SLC23A1: variants seen among roughly 807,000 people sequenced by gnomAD.
The protein encoded by SLC23A1 is Na(+)/L-ascorbic acid transporter 1.
In SLC23A1, 31 loss-of-function variants were observed where a neutral mutation model predicts 62.5. The ratio of observed to expected loss-of-function variants is 0.50; its 90% CI spans 0.37 to 0.67. The LOEUF is 0.67. SLC23A1 is among the 30% of genes least tolerant of loss of function. The pLI, the probability that SLC23A1 is intolerant of heterozygous loss-of-function variation, is 0.00. For missense variants in SLC23A1, 640 were observed against 782.7 expected, an observed-to-expected ratio of 0.82 and a Z score of 2.18; for synonymous variants, 271 against 313.2, an observed-to-expected ratio of 0.87 and a Z score of 1.42.
At position 139,382,023 on chromosome 5, in the gene SLC23A1, G is replaced by A; in HGVS notation, c.177C>T (p.Thr59=). 2 of 1,609,242 alleles carry A rather than the reference G, an allele frequency of 1.2e-6. No individual in the cohort carries two copies. Among genetic ancestry groups the A allele is most frequent in the Non-Finnish European group, 8.5e-7 (1 of 1,177,870 alleles). The change falls in exon 3 of 15, where the codon ACC becomes ACT. Residue 59 remains threonine, a synonymous_variant. Coordinates refer to ENST00000348729, the MANE Select transcript of SLC23A1 (RefSeq NM_005847.5). ...FQHYLTCFSG[T]IAVPFLLAEA... is the part of the protein sequence containing the mutation. ...CAGCCAGCAGGAAGGGCACGGCGAT[G>A]GTACCACTGAAGCATGTCAGGTAGT... is the stretch of plus-strand genomic sequence containing the variant.
chr5:139,368,063 C>T (rs975074413), intron 14 of SLC23A1, among the ~76,000 whole-genome samples: 2 of 152,126 alleles, frequency 1.3e-5, no homozygotes, highest in Admixed American at 6.6e-5. Flanking sequence ...AGGCCGGGCG[C>T]GGTGGCTTAC....
Position 139,377,851 on chromosome 5 carries a change from C to T in SLC23A1, c.1453+124G>A, listed in dbSNP as rs902836063. The T allele has an allele frequency of 3.3e-6, 3 of 912,866 alleles. No homozygotes were observed. In the Admixed American group the frequency reaches 7.4e-5, roughly 23 times the overall value. 56.5% of individuals were successfully genotyped at this position (912,866 alleles called of 1,614,324 possible). A position where few individuals can be genotyped will look rare whatever the true frequency, so the allele number is the denominator to read the frequency against. The stretch of plus-strand genomic sequence containing the variant: ...CAGCTGTGACCCAAGCTCTCAGCTG[C>T]TGGTTGACACCCAGAGTTGGGTACG... On this transcript the variant is annotated intron_variant, in intron 12 of 14. Coordinates refer to ENST00000348729, the MANE Select transcript of SLC23A1 (RefSeq NM_005847.5).
intron 13 of SLC23A1, among the ~76,000 whole-genome samples, chr5:139,375,243 T>C (rs1453388628): frequency 3.9e-5 from 6 of 152,212 alleles, no homozygotes; most frequent in African/African-American, 1.4e-4. Flanking sequence ...ATGCAGTCAT[T>C]AACTCCCATC....
At chr5:139,377,134 A>G (rs1467284083) in intron 13 of SLC23A1, among the ~76,000 whole-genome samples, 1 of 151,154 alleles carries the variant, frequency 6.6e-6, no homozygotes, top group Non-Finnish European at 1.5e-5. Flanking sequence ...AAAAAAAAGG[A>G]AAGAAATGGA....
rs1021876847 is a variant in SLC23A1, at chr5:139,379,124, C to G, written c.1073+83G>C. The G allele has an allele frequency of 2.1e-6, 3 of 1,450,030 alleles. No homozygotes were observed. The highest frequency in any genetic ancestry group is 2.9e-6 in the Non-Finnish European group (3 of 1,041,490). The allele number at this position is 1,450,030 out of a possible 1,614,324, so 89.8% of individuals were successfully genotyped here. A position where few individuals can be genotyped will look rare whatever the true frequency, so the allele number is the denominator to read the frequency against. On this transcript the variant is annotated intron_variant, in intron 9 of 14. Transcript: ENST00000348729. The surrounding 1 kb of genome is among the most constrained non-coding windows in gnomAD (Gnocchi z 4.7). ...TGTTCCCGACTTGCCTAAGCCTACC[C>G]CCTGGGCCTCCACCCCGTTCCTGTG...
rs532952723 is a variant in SLC23A1 at position 139,367,283 on chromosome 5, T to C, written c.*368A>G. 1 of 152,308 alleles carries C rather than the reference T, an allele frequency of 6.6e-6. No individual in the cohort carries two copies. Among genetic ancestry groups the C allele is most frequent in the Non-Finnish European group, 1.5e-5 (1 of 68,016 alleles). 9.4% of individuals were successfully genotyped at this position (152,308 alleles called of 1,614,324 possible). A position where few individuals can be genotyped will look rare whatever the true frequency, so the allele number is the denominator to read the frequency against. ...CAATGTAAAAGCCTTGCAGCATACC[T>C]ACATTTCAGGCCCTGGAACCTGCCC... On this transcript the variant is annotated 3_prime_UTR_variant, in exon 15 of 15. Coordinates refer to ENST00000348729, the MANE Select transcript of SLC23A1 (RefSeq NM_005847.5).
In SLC23A1 at chr5:139,379,155, T is replaced by G; in HGVS notation, c.1073+52A>C. ...GCCTCCACCCCGTTCCTGTGTGTGC[T>G]TCCTGGGTGGCGCCTGAGGAGATCA... is the stretch of plus-strand genomic sequence containing the variant. On this transcript the variant is annotated intron_variant, in intron 9 of 14. Transcript: ENST00000348729. The surrounding 1 kb of genome is among the most constrained non-coding windows in gnomAD (Gnocchi z 4.7). 6.3e-7 allele frequency: 1 copy of G among 1,594,522 alleles called. No individual in the cohort carries two copies. Among genetic ancestry groups the G allele is most frequent in the East Asian group, 2.2e-5 (1 of 44,606 alleles).
intron 2 of SLC23A1, chr5:139,382,273 T>G: frequency 1.7e-6 from 1 of 604,004 alleles, no homozygotes; most frequent in South Asian, 2.0e-5. Flanking sequence ...TCGGCTCTGC[T>G]CCCTGTCACC....
In SLC23A1 at chr5:139,378,195, G is replaced by C; in HGVS notation, c.1309+27C>G. The C allele has an allele frequency of 6.2e-7, 1 of 1,612,924 alleles. No individual in the cohort carries two copies. Among genetic ancestry groups the C allele is most frequent in the Non-Finnish European group, 8.5e-7 (1 of 1,179,464 alleles). On this transcript the variant is annotated intron_variant, in intron 11 of 14. Coordinates refer to ENST00000348729, the MANE Select transcript of SLC23A1 (RefSeq NM_005847.5). The surrounding 1 kb of genome is among the most constrained non-coding windows in gnomAD (Gnocchi z 4.5). ...AGTCCCACTCGGCGACCCGCACCGCGACCCGTGGCCCGCGCCAGACACTCA... is the reference window on the plus strand; with the variant it reads ...AGTCCCACTCGGCGACCCGCACCGCCACCCGTGGCCCGCGCCAGACACTCA...
At chr5:139,380,917 G>T in intron 3 of SLC23A1, 31 bp from the exon 4 acceptor site, 2 of 808,302 alleles carry the variant, frequency 2.5e-6, no homozygotes, top group East Asian at 2.6e-5. Flanking sequence ...AACAGGGGTG[G>T]GGAGGGGCGG....
At chr5:139,380,716 T>C in intron 4 of SLC23A1, 82 bp downstream of exon 4, 2 of 1,466,146 alleles carry the variant, frequency 1.4e-6, no homozygotes, top group Non-Finnish European at 1.9e-6. Context: ...TGCACCCTGG[T>C]GTTGACCCGG....
chr5:139,379,473 G>A lies in SLC23A1; in HGVS notation c.926-119C>T, dbSNP rs941219854. 3.6e-6 allele frequency: 4 copies of A among 1,117,512 alleles called. No individual in the cohort carries two copies. Among genetic ancestry groups the A allele is most frequent in the East Asian group, 5.0e-5 (2 of 40,030 alleles). 69.2% of individuals were successfully genotyped at this position (1,117,512 alleles called of 1,614,324 possible). On this transcript the variant is annotated intron_variant, in intron 8 of 14. Transcript: ENST00000348729. This position sits in a 1 kb window ranked among gnomAD's most constrained non-coding sequence, Gnocchi z 4.7. ...CAGGAGACCTCAGGCTGGGATGGGA[G>A]CTATACAGTTGTGGGAGCTTATTTG...
rs529272388 is a variant in SLC23A1 at position 139,381,868 on chromosome 5, G to A, written c.308+24C>T. 26 of 1,539,144 alleles carry A rather than the reference G, an allele frequency of 1.7e-5. No homozygotes were observed. The Admixed American group carries it at 2.0e-4, about 12-fold the overall frequency. On this transcript the variant is annotated intron_variant, in intron 3 of 14. Coordinates refer to ENST00000348729, the MANE Select transcript of SLC23A1 (RefSeq NM_005847.5). Reference sequence around the variant, plus strand: ...TCACAGTGGAGGGGTGGCGGGGGACGGGTTGGGGGGCTGGGCGGCTCACCG... The same window carrying A: ...TCACAGTGGAGGGGTGGCGGGGGACAGGTTGGGGGGCTGGGCGGCTCACCG...
upstream of SLC23A1, among the ~76,000 whole-genome samples, chr5:139,384,069 A>G (rs572330140): frequency 1.3e-5 from 2 of 152,368 alleles, no homozygotes; most frequent in Admixed American, 1.3e-4. Flanking sequence ...TTCCAAAAGT[A>G]TAAAGAATTT....
rs2031250044 is a variant in SLC23A1, at chr5:139,379,137, C to T, written c.1073+70G>A. 12 of 1,548,986 alleles carry T rather than the reference C, an allele frequency of 7.7e-6. No individual in the cohort carries two copies. In the South Asian group the frequency reaches 1.4e-4, roughly 18 times the overall value. ...CCTAAGCCTACCCCCTGGGCCTCCACCCCGTTCCTGTGTGTGCTTCCTGGG... is the reference window on the plus strand; with the variant it reads ...CCTAAGCCTACCCCCTGGGCCTCCATCCCGTTCCTGTGTGTGCTTCCTGGG... On this transcript the variant is annotated intron_variant, in intron 9 of 14. Coordinates refer to ENST00000348729, the MANE Select transcript of SLC23A1 (RefSeq NM_005847.5). The surrounding 1 kb of genome is among the most constrained non-coding windows in gnomAD (Gnocchi z 4.7).
chr5:139,377,325 C>G (rs565672401), intron 13 of SLC23A1, 77 bp downstream of exon 13: 4 of 823,378 alleles, frequency 4.9e-6, no homozygotes, highest in Non-Finnish European at 8.6e-6. Flanking sequence ...AACCACACAG[C>G]TCCAGCTCAG....
rs1490991510 is a variant in SLC23A1 at position 139,378,357 on chromosome 5, G to A, written c.1180-6C>T. 2 of 1,557,716 alleles carry A rather than the reference G, an allele frequency of 1.3e-6. No individual in the cohort carries two copies. Among genetic ancestry groups the A allele is most frequent in the Non-Finnish European group, 1.7e-6 (2 of 1,151,640 alleles). On this transcript the variant is annotated splice_region_variant and splice_polypyrimidine_tract_variant and intron_variant, in intron 10 of 14. Transcript: ENST00000348729. This position sits in a 1 kb window ranked among gnomAD's most constrained non-coding sequence, Gnocchi z 4.5. Reference sequence around the variant, plus strand: ...ACCACGCGCCGGCTGCCCACCTGCCGGGGAGCCAGCGGGGAAGCTAGACCT... The same window carrying A: ...ACCACGCGCCGGCTGCCCACCTGCCAGGGAGCCAGCGGGGAAGCTAGACCT...
intron 6 of SLC23A1, 21 bp from the exon 7 acceptor site, chr5:139,380,097 A>C: frequency 6.3e-7 from 1 of 1,598,956 alleles, no homozygotes; most frequent in East Asian, 2.3e-5. Context: ...AGGCACAATC[A>C]GGAAGTGGAT....
upstream of SLC23A1, chr5:139,384,837 G>T: frequency 2.6e-6 from 2 of 764,612 alleles, no homozygotes; most frequent in Non-Finnish European, 3.2e-6. Context: ...TGTCCTGAAA[G>T]CTTAGTGGGT....
Sources: gnomAD v4.1 joint callset for allele counts (sites outside exome capture counted in the v4.1 genomes callset) on GRCh38, gnomAD v4.1.1 for gene constraint, Gnocchi (gnomAD v3.1) non-coding constraint, MANE v1.5 for transcripts, NCBI Gene and HGNC (gene_info 2026-07-23, HGNC 2026-07-21) for gene names.